The following ZNF681 variants were observed in gnomAD, a reference collection of about 807,000 sequenced individuals.
ZNF681 encodes hypothetical protein FLJ31526.
ZNF681 carries 37 observed loss-of-function variants against 56.0 expected under a neutral mutation model. That is an observed-to-expected ratio of 0.66 (90% CI 0.51 to 0.87). ZNF681 has a LOEUF of 0.87. Among genes scored for constraint, ZNF681 ranks in the 40% least tolerant of loss-of-function variants. ZNF681 has a pLI of 0.00. For missense variants in ZNF681, 741 were observed against 744.9 expected, an observed-to-expected ratio of 0.99 and a Z score of 0.06; for synonymous variants, 225 against 248.6, an observed-to-expected ratio of 0.91 and a Z score of 0.89.
intron 1 of ZNF681, 90 bp downstream of exon 1, chr19:23,758,657 G>C (rs6417220): frequency 6.2e-7 from 1 of 1,603,234 alleles, no homozygotes; most frequent in Non-Finnish European, 8.5e-7. Flanking sequence ...GGAGAACTCA[G>C]GGCGCAAATT....
rs1400382731 is a variant in ZNF681, at chr19:23,741,233, CTG to C, written c.*2377_*2378del. On this transcript the variant is annotated 3_prime_UTR_variant, in exon 4 of 4. Transcript: ENST00000402377. ...AAGTAATATATGTATATATTTAACT[CTG>C]TGTAAATCAAAACTAATAGTCTGTA... is the stretch of plus-strand genomic sequence containing the variant. The C allele has an allele frequency of 6.6e-6, 1 of 152,058 alleles. No individual in the cohort carries two copies. The highest frequency in any genetic ancestry group is 2.4e-5 in the African/African-American group (1 of 41,380). 9.4% of individuals were successfully genotyped at this position (152,058 alleles called of 1,614,324 possible).
Position 23,739,780 on chromosome 19 carries a change from T to C in ZNF681, c.*3832A>G, listed in dbSNP as rs1429269981. 1 of 152,110 alleles carries C rather than the reference T, an allele frequency of 6.6e-6. No homozygotes were observed. The highest frequency in any genetic ancestry group is 1.5e-5 in the Non-Finnish European group (1 of 67,998). 9.4% of individuals were successfully genotyped at this position (152,110 alleles called of 1,614,324 possible). On this transcript the variant is annotated 3_prime_UTR_variant, in exon 4 of 4. Coordinates refer to ENST00000402377, the MANE Select transcript of ZNF681 (RefSeq NM_138286.3). ...ATATGACCAAGAAGTTGGCTAGAGT[T>C]AGGTGACTAAATGTAAAAACTGTAG... is the stretch of plus-strand genomic sequence containing the variant.
At chr19:23,756,773 C>T (rs1040389544) in intron 1 of ZNF681, among the ~76,000 whole-genome samples, 2 of 152,032 alleles carry the variant, frequency 1.3e-5, no homozygotes, top group Non-Finnish European at 2.9e-5. Context: ...CACAAACCTA[C>T]ACGTTCTGCA....
At chr19:23,745,707 T>C (rs2061591046) in intron 3 of ZNF681, among the ~76,000 whole-genome samples, 2 of 151,970 alleles carry the variant, frequency 1.3e-5, no homozygotes, top group South Asian at 4.1e-4. Flanking sequence ...CACCTCAGCC[T>C]CCCAAAATGC....
chr19:23,747,567 G>A (rs963921692), intron 3 of ZNF681, among the ~76,000 whole-genome samples: 9 of 150,452 alleles, frequency 6.0e-5, no homozygotes, highest in African/African-American at 2.2e-4. Context: ...ATGAACCTGG[G>A]AGGCGGAGCT....
rs1232884634 is a variant in ZNF681, at chr19:23,740,705, A to G, written c.*2907T>C. 1 of 152,180 alleles carries G rather than the reference A, an allele frequency of 6.6e-6. No homozygotes were observed. Among genetic ancestry groups the G allele is most frequent in the East Asian group, 1.9e-4 (1 of 5,196 alleles). The allele number at this position is 152,180 out of a possible 1,614,324, so 9.4% of individuals were successfully genotyped here. ...ATATTTACTTATTTTCATTATAAAAACTGAAAGGAACAAAAACTAAAAAAA... is the reference window on the plus strand; with the variant it reads ...ATATTTACTTATTTTCATTATAAAAGCTGAAAGGAACAAAAACTAAAAAAA... On this transcript the variant is annotated 3_prime_UTR_variant, in exon 4 of 4. Coordinates refer to ENST00000402377, the MANE Select transcript of ZNF681 (RefSeq NM_138286.3).
Position 23,754,880 on chromosome 19 carries a change from C to G in ZNF681, c.169G>C (p.Glu57Gln). The change falls in exon 3 of 4, where the codon GAA becomes CAA. Residue 57 changes from glutamate (E) to glutamine (Q), a missense_variant. By Grantham distance (29) the Glu-to-Gln change is conservative. Coordinates refer to ENST00000402377, the MANE Select transcript of ZNF681 (RefSeq NM_138286.3). ...CTAGTCCAAGGCTCTTTTTCTTGTT[C>G]CAGACAGGTGATCAGGTCTGGCTTA... ...VSKPDLITCL[E>Q]QEKEPWTRKR... is the part of the protein sequence containing the mutation. 6.2e-7 allele frequency: 1 copy of G among 1,613,978 alleles called. No individual in the cohort carries two copies. The highest frequency in any genetic ancestry group is 8.5e-7 in the Non-Finnish European group (1 of 1,179,984).
chr19:23,746,793 G>A (rs1051236129), intron 3 of ZNF681, among the ~76,000 whole-genome samples: 2 of 152,166 alleles, frequency 1.3e-5, no homozygotes, highest in Non-Finnish European at 2.9e-5. Flanking sequence ...TTTGCACCTG[G>A]TGTATTCTGT....
chr19:23,741,713 T>C lies in ZNF681; in HGVS notation c.*1899A>G, dbSNP rs1968876352. The C allele has an allele frequency of 6.6e-6, 1 of 151,496 alleles. No homozygotes were observed. Among genetic ancestry groups the C allele is most frequent in the Admixed American group, 6.6e-5 (1 of 15,214 alleles). 9.4% of individuals were successfully genotyped at this position (151,496 alleles called of 1,614,324 possible). A position where few individuals can be genotyped will look rare whatever the true frequency, so the allele number is the denominator to read the frequency against. ...AGCCTGGGTGACATAGTGAGACTCG[T>C]CTCAAAAAAAAACCGAAAAGTGCAG... On this transcript the variant is annotated 3_prime_UTR_variant, in exon 4 of 4. Coordinates refer to ENST00000402377, the MANE Select transcript of ZNF681 (RefSeq NM_138286.3).
chr19:23,743,977 T>G lies in ZNF681; in HGVS notation c.1573A>C (p.Lys525Gln), dbSNP rs61738942. 6 of 1,612,862 alleles carry G rather than the reference T, an allele frequency of 3.7e-6. No homozygotes were observed. Among genetic ancestry groups the G allele is most frequent in the East Asian group, 2.2e-5 (1 of 44,836 alleles). The change falls in exon 4 of 4, where the codon AAG becomes CAG. Residue 525 changes from lysine (K) to glutamine (Q), a missense_variant. Physicochemically the swap from Lys to Gln is moderately conservative, Grantham distance 53. Transcript: ENST00000402377. The stretch of plus-strand genomic sequence containing the variant: ...GGTTTCTCTCCAGTATGAATTTTCT[T>G]ATGTTCAGTAAGTTTTGAGGATCGA... ...FYRSSKLTEH[K>Q]KIHTGEKPYT...
Position 23,745,431 on chromosome 19 carries a change from A to G in ZNF681, c.227-108T>C, listed in dbSNP as rs1224523594. On this transcript the variant is annotated intron_variant, in intron 3 of 3. Coordinates refer to ENST00000402377, the MANE Select transcript of ZNF681 (RefSeq NM_138286.3). ...AATTACATAAGCAAGATGGTATAGC[A>G]AAATACCAAAGGCCCTAATTTTTTT... is the stretch of plus-strand genomic sequence containing the variant. 7.8e-6 allele frequency: 7 copies of G among 893,046 alleles called. No individual in the cohort carries two copies. In the African/African-American group the frequency reaches 1.1e-4, roughly 13 times the overall value. The allele number at this position is 893,046 out of a possible 1,614,324, so 55.3% of individuals were successfully genotyped here. A position where few individuals can be genotyped will look rare whatever the true frequency, so the allele number is the denominator to read the frequency against.
At chr19:23,746,319 C>A (rs199563165) in intron 3 of ZNF681, among the ~76,000 whole-genome samples, 33 of 148,512 alleles carry the variant, frequency 2.2e-4, no homozygotes, top group South Asian at 6.4e-4. Flanking sequence ...GTCTCAAAAA[C>A]AAAAAAAAAA....
intron 3 of ZNF681, among the ~76,000 whole-genome samples, chr19:23,754,365 GC>G (rs1969082079): frequency 6.6e-6 from 1 of 152,128 alleles, no homozygotes; most frequent in Non-Finnish European, 1.5e-5. Flanking sequence ...TTATGTGAGA[GC>G]AAAATAGAAA....
At chr19:23,756,241 C>T (rs1048189029) in intron 1 of ZNF681, among the ~76,000 whole-genome samples, 1 of 152,054 alleles carries the variant, frequency 6.6e-6, no homozygotes, top group South Asian at 2.1e-4. Flanking sequence ...AGGAGAATGG[C>T]GTGAACCCAG....
Position 23,754,866 on chromosome 19 carries a change from C to A in ZNF681, c.183G>T (p.Glu61Asp). 1 of 1,614,082 alleles carries A rather than the reference C, an allele frequency of 6.2e-7. No individual in the cohort carries two copies. The highest frequency in any genetic ancestry group is 8.5e-7 in the Non-Finnish European group (1 of 1,180,000). The change falls in exon 3 of 4, where the codon GAG becomes GAT. Residue 61 changes from glutamate to aspartate, a missense_variant. Coordinates refer to ENST00000402377, the MANE Select transcript of ZNF681 (RefSeq NM_138286.3). ...DLITCLEQEKEPWTRKRHRMV... is the reference protein window; with the variant it reads ...DLITCLEQEKDPWTRKRHRMV... Reference sequence around the variant, plus strand: ...TCCTATGTCTCTTTCTAGTCCAAGGCTCTTTTTCTTGTTCCAGACAGGTGA... The same window carrying A: ...TCCTATGTCTCTTTCTAGTCCAAGGATCTTTTTCTTGTTCCAGACAGGTGA...
intron 3 of ZNF681, among the ~76,000 whole-genome samples, chr19:23,749,206 T>C (rs900468875): frequency 1.9e-4 from 29 of 152,272 alleles, no homozygotes; most frequent in African/African-American, 6.5e-4. Flanking sequence ...CGAGAATTAT[T>C]ATGTCACCTG....
In ZNF681 at chr19:23,750,920, T is replaced by C. The variant is rs144303227; in HGVS notation, c.226+3903A>G. 4.4e-3 allele frequency among the ~76,000 whole-genome samples: 664 copies of C among 149,802 alleles called. 7 individuals carry two copies. The highest frequency in any genetic ancestry group is 0.015 in the African/African-American group (629 of 40,646). On this transcript the variant is annotated intron_variant, in intron 3 of 3. Transcript: ENST00000402377. ...AGGTGGATCATCTGAGGTTGAAGGT[T>C]CGAGACCAGCCTGACCAAAATGGAG...
rs1965573 is a variant in ZNF681 at position 23,742,530 on chromosome 19, G to A, written c.*1082C>T. On this transcript the variant is annotated 3_prime_UTR_variant, in exon 4 of 4. Coordinates refer to ENST00000402377, the MANE Select transcript of ZNF681 (RefSeq NM_138286.3). Reference sequence around the variant, plus strand: ...GTACAATTAGTAAAATGATATACCAGAAAATTTTTTTTCTCAATATAACAC... The same window carrying A: ...GTACAATTAGTAAAATGATATACCAAAAAATTTTTTTTCTCAATATAACAC... The A allele has an allele frequency of 0.98, 148,684 of 151,938 alleles. 72,838 individuals are homozygous for A. The highest frequency in any genetic ancestry group is 1 in the Middle Eastern group (294 of 294). The allele number at this position is 151,938 out of a possible 1,614,324, so 9.4% of individuals were successfully genotyped here.
intron 3 of ZNF681, among the ~76,000 whole-genome samples, chr19:23,747,166 TCTGA>T (rs1419900055): frequency 3.3e-5 from 5 of 152,194 alleles, no homozygotes; most frequent in Non-Finnish European, 5.9e-5. Flanking sequence ...CTAAATGTTT[TCTGA>T]CTAAGACTGA....
Sources: allele counts gnomAD v4.1 joint callset (sites outside exome capture counted in the v4.1 genomes callset), GRCh38; gene constraint gnomAD v4.1.1; transcripts MANE v1.5; gene names NCBI Gene and HGNC (gene_info 2026-07-23, HGNC 2026-07-21).